Variants in ACOT12 observed in about 807,000 individuals in gnomAD.
The protein encoded by ACOT12 is acyl-CoA thioesterase 12.
Under a neutral mutation model 67.7 loss-of-function variants are expected in ACOT12, and 51 were observed. That is an observed-to-expected ratio of 0.75 (90% confidence interval 0.60 to 0.95). The LOEUF (loss-of-function observed/expected upper bound fraction) is 0.95, where lower values mean the gene tolerates loss of function less well. ACOT12 is among the 40% of genes least tolerant of loss of function. The pLI is 0.00. For missense variants in ACOT12, 734 were observed against 708.1 expected, an observed-to-expected ratio of 1.04 and a Z score of -0.41; for synonymous variants, 251 against 244.6, an observed-to-expected ratio of 1.03 and a Z score of -0.24.
At chr5:81,356,708 G>C (rs2153853274) in intron 5 of ACOT12, among the ~76,000 whole-genome samples, 2 of 152,058 alleles carry the variant, frequency 1.3e-5, no homozygotes, top group South Asian at 4.2e-4. Flanking sequence ...CCAGGAGTCA[G>C]CCTATGCTCC....
chr5:81,377,227 G>A (rs976198289), intron 2 of ACOT12, among the ~76,000 whole-genome samples: 4 of 152,012 alleles, frequency 2.6e-5, no homozygotes, highest in Admixed American at 6.6e-5. Flanking sequence ...AAACAGAACC[G>A]ATGACAAAAA....
chr5:81,385,927 C>T (rs199878968), intron 1 of ACOT12, 101 bp from the exon 2 acceptor site: 3 of 1,078,220 alleles, frequency 2.8e-6, no homozygotes, highest in Admixed American at 4.0e-5. Context: ...TTTAGTCACC[C>T]ATCCCTCATT....
downstream of ACOT12, among the ~76,000 whole-genome samples, chr5:81,326,813 A>T (rs1012985595): frequency 6.6e-6 from 1 of 152,232 alleles, no homozygotes; most frequent in Non-Finnish European, 1.5e-5. Context: ...CAGAATTGGT[A>T]GACAGATTAG....
At position 81,382,283 on chromosome 5, in the gene ACOT12, C is replaced by G. The variant is rs58066527; in HGVS notation, c.197+3474G>C. On this transcript the variant is annotated intron_variant, in intron 2 of 14. Transcript: ENST00000307624. Reference sequence around the variant, plus strand: ...ACCTTTCCTGCCCAGGTTGTGGTCTCTACTTCTCATTTCTACTGCAAGGAA... The same window carrying G: ...ACCTTTCCTGCCCAGGTTGTGGTCTGTACTTCTCATTTCTACTGCAAGGAA... 8.4e-3 allele frequency among the ~76,000 whole-genome samples: 1,286 copies of G among 152,220 alleles called. 20 individuals are homozygous for G. Among genetic ancestry groups the G allele is most frequent in the African/African-American group, 0.028 (1,170 of 41,536 alleles).
At chr5:81,334,844 G>A (rs1561321309) in intron 12 of ACOT12, among the ~76,000 whole-genome samples, 1 of 152,180 alleles carries the variant, frequency 6.6e-6, no homozygotes, top group Non-Finnish European at 1.5e-5. Flanking sequence ...TGTGTTCCAG[G>A]AAAGGGCTGG....
At chr5:81,372,873 C>G (rs925779559) in intron 2 of ACOT12, among the ~76,000 whole-genome samples, 4 of 152,144 alleles carry the variant, frequency 2.6e-5, no homozygotes, top group African/African-American at 9.7e-5. Flanking sequence ...TCAAGGAGAC[C>G]AATCTTTCCT....
chr5:81,341,597 A>C (rs1289097042), intron 11 of ACOT12, among the ~76,000 whole-genome samples: 1 of 152,210 alleles, frequency 6.6e-6, no homozygotes, highest in Non-Finnish European at 1.5e-5. Context: ...GAATGTAGCC[A>C]AAGTGCTGGC....
chr5:81,330,993 A>G, intron 13 of ACOT12, 53 bp from the exon 14 acceptor site: 1 of 1,512,864 alleles, frequency 6.6e-7, no homozygotes, highest in Non-Finnish European at 8.8e-7. Context: ...TAGTTGTTAG[A>G]AAATAAATCC....
the ACOT12 span, chr5:81,309,106 C>T: frequency 3.1e-5 from 35 of 1,140,670 alleles, no homozygotes; most frequent in Middle Eastern, 4.0e-4. Context: ...AATTTACACT[C>T]AATCACAGTT....
At chr5:81,313,378 G>C in the ACOT12 span, 1 of 152,192 alleles carries the variant, frequency 6.6e-6, no homozygotes, top group African/African-American at 2.4e-5. Context: ...TGATTTTCAA[G>C]AGAGAACTTC....
At chr5:81,323,083 GAA>G in the ACOT12 span, among the ~76,000 whole-genome samples, 2,083 of 104,094 alleles carry the variant, frequency 0.02, 36 homozygotes, top group African/African-American at 0.062. Context: ...ATAGCAAAAA[GAA>G]AAAAAAAAAA....
At chr5:81,381,274 G>A (rs1372595820) in intron 2 of ACOT12, among the ~76,000 whole-genome samples, 1 of 151,946 alleles carries the variant, frequency 6.6e-6, no homozygotes, top group African/African-American at 2.4e-5. Context: ...CATCATGTTG[G>A]CCAGGCTGGT....
chr5:81,344,194 C>T lies in ACOT12; in HGVS notation c.946G>A (p.Gly316Arg), dbSNP rs1176594357. Residue 316 changes from glycine (G) to arginine (R), a missense_variant, in exon 9 of 15, where the codon GGA (glycine) becomes AGA (arginine). Gly to Arg is a moderately radical substitution (Grantham distance 125). Transcript: ENST00000307624. ...CGAATTCGCTTGCGTGCAATAGCTCCCCGATAGCGTCTGAAATCATCCTTT... is the reference window on the plus strand; with the variant it reads ...CGAATTCGCTTGCGTGCAATAGCTCTCCGATAGCGTCTGAAATCATCCTTT... ...ISKDDFRRYR[G>R]AIARKRIRLG... 3 of 1,613,426 alleles carry T rather than the reference C, an allele frequency of 1.9e-6. No individual in the cohort carries two copies. In the South Asian group the frequency reaches 3.3e-5, roughly 18 times the overall value.
At position 81,335,825 on chromosome 5, in the gene ACOT12, A is replaced by C; in HGVS notation, c.1205T>G (p.Leu402Trp). ...VEKHVGSPAH[L>W]AYRLLSDFTK... ...AAAGTCAGACAAGAGACGATAAGCC[A>C]AATGTGCTGGACTTCCCACGTGCTT... The change falls in exon 12 of 15, where the codon TTG becomes TGG. Residue 402 changes from leucine to tryptophan, a missense_variant. Leu to Trp is a moderately conservative substitution (Grantham distance 61). Coordinates refer to ENST00000307624, the MANE Select transcript of ACOT12 (RefSeq NM_130767.3). 1 of 1,614,182 alleles carries C rather than the reference A, an allele frequency of 6.2e-7. No individual in the cohort carries two copies. Among genetic ancestry groups the C allele is most frequent in the Non-Finnish European group, 8.5e-7 (1 of 1,180,010 alleles).
At chr5:81,339,342 T>C (rs1441126243) in intron 11 of ACOT12, among the ~76,000 whole-genome samples, 1 of 152,206 alleles carries the variant, frequency 6.6e-6, no homozygotes, top group Non-Finnish European at 1.5e-5. Context: ...TTTCCTATAC[T>C]AGGGGTCTGT....
chr5:81,390,703 T>A (rs1760840123), intron 1 of ACOT12, among the ~76,000 whole-genome samples: 1 of 151,686 alleles, frequency 6.6e-6, no homozygotes, highest in Non-Finnish European at 1.5e-5. Flanking sequence ...GGTTTCATCA[T>A]GTTGACCAGG....
intron 5 of ACOT12, among the ~76,000 whole-genome samples, chr5:81,355,962 T>C (rs1489294410): frequency 2.0e-5 from 3 of 152,336 alleles, no homozygotes; most frequent in East Asian, 1.9e-4. Flanking sequence ...AGAGCTGCAA[T>C]GGCCACTGTG....
chr5:81,311,164 C>T, the ACOT12 span: 1 of 1,603,316 alleles, frequency 6.2e-7, no homozygotes, highest in Non-Finnish European at 8.5e-7. Flanking sequence ...TGTTAAAAAC[C>T]CCTTGCAAGT....
At chr5:81,325,179 G>A (rs1305078577), downstream of ACOT12, among the ~76,000 whole-genome samples, 1 of 152,154 alleles carries the variant, frequency 6.6e-6, no homozygotes, top group Non-Finnish European at 1.5e-5. Flanking sequence ...AAAGGCGCAT[G>A]GATGGGAATA....
Sources: allele counts gnomAD v4.1 joint callset (sites outside exome capture counted in the v4.1 genomes callset), GRCh38; gene constraint gnomAD v4.1.1; transcripts MANE v1.5; gene names NCBI Gene and HGNC (gene_info 2026-07-23, HGNC 2026-07-21).